Variants in GMDS observed in about 807,000 individuals in gnomAD.
The protein encoded by GMDS is GDP-mannose 4,6-dehydratase.
Under a neutral mutation model 49.9 loss-of-function variants are expected in GMDS, and 20 were observed. That is an observed-to-expected ratio of 0.40 (90% CI 0.28 to 0.58). The LOEUF (loss-of-function observed/expected upper bound fraction) is 0.58. GMDS is among the 20% of genes least tolerant of loss of function. GMDS has a pLI of 0.42. For missense variants in GMDS, 362 were observed against 481.4 expected (o/e 0.75, Z 2.32); for synonymous variants, 177 against 178.6 (o/e 0.99, Z 0.07).
chr6:2,086,873 C>T (rs929920332), intron 4 of GMDS, among the ~76,000 whole-genome samples: 1 of 152,186 alleles, frequency 6.6e-6, no homozygotes, highest in South Asian at 2.1e-4. Context: ...GTGTTTGCTG[C>T]TGTCTGGAGC....
intron 7 of GMDS, among the ~76,000 whole-genome samples, chr6:1,847,182 A>G (rs576865262): frequency 6.6e-6 from 1 of 151,922 alleles, no homozygotes; most frequent in Non-Finnish European, 1.5e-5. Context: ...AAACCTCCCT[A>G]GTAGCTGGGA....
At chr6:1,671,898 C>T (rs1764444897) in intron 9 of GMDS, among the ~76,000 whole-genome samples, 1 of 152,176 alleles carries the variant, frequency 6.6e-6, no homozygotes, top group African/African-American at 2.4e-5. Context: ...CTCCCAGCCT[C>T]ATGATCTGCC....
intron 4 of GMDS, among the ~76,000 whole-genome samples, chr6:2,002,792 T>G (rs1217993607): frequency 6.6e-6 from 1 of 152,220 alleles, no homozygotes; most frequent in Admixed American, 6.5e-5. Flanking sequence ...GTTAAATCTC[T>G]AGTACCTTCA....
Position 2,245,355 on chromosome 6 carries a change from C to T in GMDS, c.68G>A (p.Arg23Lys). The change falls in exon 1 of 11, where the codon AGG (arginine) becomes AAG (lysine). Residue 23 changes from arginine to lysine, a missense_variant. Coordinates refer to ENST00000380815, the MANE Select transcript of GMDS (RefSeq NM_001500.4). ...GSGDGEMGKP[R>K]NVALITGITG... is the part of the protein sequence containing the mutation. ...GATACCGGTGATGAGCGCCACGTTC[C>T]TGGGCTTGCCCATCTCGCCGTCCCC... The T allele has an allele frequency of 1.3e-6, 2 of 1,553,426 alleles. No individual in the cohort carries two copies. The highest frequency in any genetic ancestry group is 1.2e-5 in the South Asian group (1 of 85,430).
intron 7 of GMDS, among the ~76,000 whole-genome samples, chr6:1,805,551 T>C (rs1025753937): frequency 5.3e-5 from 8 of 152,196 alleles, no homozygotes; most frequent in Non-Finnish European, 1.0e-4. Flanking sequence ...ACCATACTTC[T>C]TTGGCATCCA....
chr6:2,121,559 C>T (rs1775140087), intron 2 of GMDS, among the ~76,000 whole-genome samples: 1 of 152,092 alleles, frequency 6.6e-6, no homozygotes, highest in South Asian at 2.1e-4. Flanking sequence ...TTTCAGTGGC[C>T]ACATTTGATG....
At chr6:1,827,208 C>T (rs1229951842) in intron 7 of GMDS, among the ~76,000 whole-genome samples, 1 of 150,978 alleles carries the variant, frequency 6.6e-6, no homozygotes, top group Admixed American at 6.6e-5. Context: ...ATCCTGGATA[C>T]ACACTCGCTT....
rs1581393450 is a variant in GMDS at position 1,635,352 on chromosome 6, G to T, written c.988-10812C>A. 6.6e-6 allele frequency among the ~76,000 whole-genome samples: 1 copy of T among 152,178 alleles called. No individual in the cohort carries two copies. The highest frequency in any genetic ancestry group is 6.5e-5 in the Admixed American group (1 of 15,284). On this transcript the variant is annotated intron_variant, in intron 9 of 10. Transcript: ENST00000380815. This position sits in a 1 kb window ranked among gnomAD's most constrained non-coding sequence, Gnocchi z 4.7. ...TGGTCCACGGGACAGGCGAGGAAAG[G>T]GTTAAGGCAAGCTGTGTCCACTGCG...
chr6:2,176,954 G>T (rs1778311313), intron 1 of GMDS, among the ~76,000 whole-genome samples: 1 of 152,182 alleles, frequency 6.6e-6, no homozygotes, highest in Non-Finnish European at 1.5e-5. Flanking sequence ...GACAAAGGAA[G>T]AGAGCTCTTT....
chr6:1,877,369 G>A (rs1444582128), intron 7 of GMDS, among the ~76,000 whole-genome samples: 1 of 152,094 alleles, frequency 6.6e-6, no homozygotes, highest in Non-Finnish European at 1.5e-5. Context: ...GCAGAGCATG[G>A]TGGCTCACCT....
intron 1 of GMDS, among the ~76,000 whole-genome samples, chr6:2,170,884 A>G (rs1777971003): frequency 6.6e-6 from 1 of 151,668 alleles, no homozygotes; most frequent in Non-Finnish European, 1.5e-5. Flanking sequence ...AGTCCCAGCT[A>G]CTCGGGAGGC....
At chr6:2,086,271 A>C (rs1002499093) in intron 4 of GMDS, among the ~76,000 whole-genome samples, 2 of 152,230 alleles carry the variant, frequency 1.3e-5, no homozygotes, top group Non-Finnish European at 2.9e-5. Context: ...AGAGGCTGGC[A>C]GTTTCAATGA....
At chr6:1,851,577 C>G (rs1757673379) in intron 7 of GMDS, among the ~76,000 whole-genome samples, 1 of 152,038 alleles carries the variant, frequency 6.6e-6, no homozygotes, top group Non-Finnish European at 1.5e-5. Flanking sequence ...CAGAACGAGG[C>G]ATTTAATACA....
At chr6:1,979,460 T>A (rs144053868) in intron 4 of GMDS, among the ~76,000 whole-genome samples, 116 of 152,196 alleles carry the variant, frequency 7.6e-4, no homozygotes, top group Non-Finnish European at 4.9e-4. Flanking sequence ...TTGAAGACTG[T>A]CTTTCTGAAA....
Position 1,960,800 on chromosome 6 carries a change from G to A in GMDS, c.512C>T (p.Thr171Ile). 1 of 1,604,630 alleles carries A rather than the reference G, an allele frequency of 6.2e-7. No homozygotes were observed. The highest frequency in any genetic ancestry group is 8.5e-7 in the Non-Finnish European group (1 of 1,172,712). Residue 171 changes from threonine (T) to isoleucine (I), a missense_variant, in exon 5 of 11, where the codon ACC becomes ATC. Coordinates refer to ENST00000380815, the MANE Select transcript of GMDS (RefSeq NM_001500.4). ...KVQEIPQKET[T>I]PFYPRSPYGA... The stretch of plus-strand genomic sequence containing the variant: ...ATAGGGTGACCGGGGATAGAAAGGG[G>A]TGGTCTCCTTCTGGGGTATTTCCTG...
Position 1,726,464 on chromosome 6 carries a change from G to A in GMDS, c.939C>T (p.Gly313=). 1 of 1,613,930 alleles carries A rather than the reference G, an allele frequency of 6.2e-7. No individual in the cohort carries two copies. The highest frequency in any genetic ancestry group is 1.1e-5 in the South Asian group (1 of 91,082). Residue 313 remains glycine, a synonymous_variant, in exon 9 of 11, where the codon GGC becomes GGT. Coordinates refer to ENST00000380815, the MANE Select transcript of GMDS (RefSeq NM_001500.4). ...TGAGATCCACAGTCACGTGAACTTT[G>A]CCGGTCTCTTTACATCTGCCCACTT... ...ENEVGRCKET[G]KVHVTVDLKY...
chr6:2,184,782 T>C (rs1050755725), intron 1 of GMDS, among the ~76,000 whole-genome samples: 2 of 152,180 alleles, frequency 1.3e-5, no homozygotes, highest in Non-Finnish European at 2.9e-5. Context: ...AGTCAAAAAA[T>C]CTATCATATT....
At chr6:2,010,037 C>G (rs1767454250) in intron 4 of GMDS, among the ~76,000 whole-genome samples, 1 of 152,040 alleles carries the variant, frequency 6.6e-6, no homozygotes, top group African/African-American at 2.4e-5. Context: ...GAAAAACACA[C>G]AGCACATCAG....
At chr6:1,767,228 A>AAAGAAAAT (rs1363248346) in intron 7 of GMDS, among the ~76,000 whole-genome samples, 5 of 151,260 alleles carry the variant, frequency 3.3e-5, no homozygotes, top group Non-Finnish European at 4.4e-5. Flanking sequence ...TAAACGCATA[A>AAAGAAAAT]AAGAAAATAT....
Sources: allele counts gnomAD v4.1 joint callset (sites outside exome capture counted in the v4.1 genomes callset), GRCh38; gene constraint gnomAD v4.1.1; non-coding constraint Gnocchi (gnomAD v3.1); transcripts MANE v1.5; gene names NCBI Gene and HGNC (gene_info 2026-07-23, HGNC 2026-07-21).